Variants in KIAA2012 observed in about 807,000 individuals in gnomAD.
KIAA2012 encodes KIAA2012.
In KIAA2012, 125 loss-of-function variants were observed where a neutral mutation model predicts 150.6. The observed-to-expected ratio is 0.83, with a 90% CI of 0.72 to 0.96. KIAA2012 has a LOEUF of 0.96. Ranked by LOEUF, KIAA2012 falls within the 40% of genes least tolerant of loss-of-function variation. The pLI is 0.00. For synonymous variants in KIAA2012, 462 were observed against 504.7 expected (o/e 0.92, Z 1.13); for missense variants, 1,219 against 1,354.9 (o/e 0.90, Z 1.57).
intron 23 of KIAA2012, among the ~76,000 whole-genome samples, chr2:202,204,687 G>A (rs1692605156): frequency 6.6e-6 from 1 of 152,016 alleles, no homozygotes; most frequent in African/African-American, 2.4e-5. Context: ...AGTCTGTATT[G>A]CTGTTATTAG....
chr2:202,092,841 A>C (rs1168747882), intron 3 of KIAA2012, among the ~76,000 whole-genome samples, 189 bp from the exon 4 acceptor site: 2 of 152,132 alleles, frequency 1.3e-5, no homozygotes, highest in Non-Finnish European at 2.9e-5. Flanking sequence ...GAAGCACCCA[A>C]GACACTAGAT....
chr2:202,201,729 G>A, intron 22 of KIAA2012: 5 of 1,485,764 alleles, frequency 3.4e-6, no homozygotes, highest in South Asian at 1.1e-5. Context: ...GCAGCCCCTG[G>A]GGTGCACAAA....
intron 11 of KIAA2012, chr2:202,115,232 T>G (rs1690484805): frequency 6.6e-6 from 1 of 152,094 alleles, no homozygotes; most frequent in Non-Finnish European, 1.5e-5. Context: ...AAAACCACAA[T>G]TACTTTTGCA....
intron 3 of KIAA2012, among the ~76,000 whole-genome samples, chr2:202,092,714 T>C (rs1185665833): frequency 6.6e-6 from 1 of 152,060 alleles, no homozygotes; most frequent in Non-Finnish European, 1.5e-5. Flanking sequence ...CCACTGGATC[T>C]CCTCCTGAGG....
At chr2:202,100,261 C>G in intron 6 of KIAA2012, 46 bp from the exon 7 acceptor site, 2 of 1,527,614 alleles carry the variant, frequency 1.3e-6, no homozygotes, top group Non-Finnish European at 8.9e-7. Context: ...CTGTTCATCC[C>G]CCTACCTGCA....
At chr2:202,111,790 A>T (rs144525961) in intron 10 of KIAA2012, among the ~76,000 whole-genome samples, 1 of 152,128 alleles carries the variant, frequency 6.6e-6, no homozygotes, top group East Asian at 1.9e-4. Context: ...GTTCATGTGT[A>T]TGGGGGTGTG....
At chr2:202,080,857 T>C (rs1230341134) in intron 2 of KIAA2012, among the ~76,000 whole-genome samples, 1 of 152,086 alleles carries the variant, frequency 6.6e-6, no homozygotes, top group East Asian at 1.9e-4. Flanking sequence ...TAACATGAAA[T>C]TTACCATTTT....
intron 14 of KIAA2012, among the ~76,000 whole-genome samples, chr2:202,160,388 A>G (rs1373468197): frequency 2.2e-5 from 3 of 138,480 alleles, no homozygotes; most frequent in Non-Finnish European, 4.5e-5. Flanking sequence ...ATCTCGGCTC[A>G]CTGCAAGCTC....
rs1336130584 is a variant in KIAA2012, at chr2:202,105,781, G to C, written c.1345G>C (p.Glu449Gln). 2.3e-5 allele frequency: 35 copies of C among 1,550,508 alleles called. No individual in the cohort carries two copies. Among genetic ancestry groups the C allele is most frequent in the Non-Finnish European group, 2.9e-5 (33 of 1,147,012 alleles). Residue 449 changes from glutamate (E) to glutamine (Q), a missense_variant, in exon 9 of 24, where the codon GAA becomes CAA. Glu to Gln is a conservative substitution (Grantham distance 29). Transcript: ENST00000498697. ...CCTAGGTGCTCCACACCCTGAGTCA[G>C]AACCAGAAAGCAGCGAAGAATCCAC... ...HRRGAPHPES[E>Q]PESSEESTPV...
At position 202,204,051 on chromosome 2, in the gene KIAA2012, G is replaced by A. The variant is rs532714076; in HGVS notation, c.*21-947G>A. Among the ~76,000 whole-genome samples, 4 of 150,890 alleles carry A rather than the reference G, an allele frequency of 2.7e-5. No homozygotes were observed. In the South Asian group the frequency reaches 8.4e-4, roughly 32 times the overall value. ...CCCAGAGTGCTGGGATTACAGGCGTGAGCCACCGCACCCAGCGGTTTTTTG... is the reference window on the plus strand; with the variant it reads ...CCCAGAGTGCTGGGATTACAGGCGTAAGCCACCGCACCCAGCGGTTTTTTG... On this transcript the variant is annotated intron_variant, in intron 23 of 23. Transcript: ENST00000498697.
At chr2:202,184,347 G>A (rs1692181988) in intron 15 of KIAA2012, among the ~76,000 whole-genome samples, 1 of 148,468 alleles carries the variant, frequency 6.7e-6, no homozygotes, top group Non-Finnish European at 1.5e-5. Context: ...TCACGCCACT[G>A]CACTCCAGCC....
intron 12 of KIAA2012, chr2:202,137,501 G>A (rs1239490214): frequency 2.0e-5 from 3 of 151,958 alleles, no homozygotes; most frequent in Non-Finnish European, 4.4e-5. Context: ...ATTTTTAGTA[G>A]AGATGGGGTT....
intron 2 of KIAA2012, chr2:202,077,244 C>T (rs1689346016): frequency 2.9e-6 from 1 of 348,558 alleles, no homozygotes; most frequent in Non-Finnish European, 5.7e-6. Context: ...AAATCAAATT[C>T]CTTCTGTGTT....
At chr2:202,168,037 C>G (rs1362301635) in intron 15 of KIAA2012, among the ~76,000 whole-genome samples, 1 of 152,014 alleles carries the variant, frequency 6.6e-6, no homozygotes, top group Non-Finnish European at 1.5e-5. Context: ...CATCTTTTTT[C>G]TTCCTCTGTA....
intron 12 of KIAA2012, among the ~76,000 whole-genome samples, chr2:202,131,054 T>G (rs1281841613): frequency 1.3e-5 from 2 of 152,256 alleles, no homozygotes; most frequent in Non-Finnish European, 2.9e-5. Flanking sequence ...GCTATTGTCT[T>G]GGTTTCCCCA....
intron 14 of KIAA2012, among the ~76,000 whole-genome samples, chr2:202,162,492 C>G (rs992138505): frequency 9.9e-5 from 15 of 151,500 alleles, no homozygotes; most frequent in African/African-American, 3.1e-4. Flanking sequence ...CCAGGCTGGT[C>G]TCGAACTCCT....
chr2:202,137,549 T>G (rs1040993392), intron 12 of KIAA2012: 3 of 152,162 alleles, frequency 2.0e-5, no homozygotes, highest in African/African-American at 7.2e-5. Context: ...ACTCCTGGCC[T>G]CAAGCACTCC....
Position 202,075,265 on chromosome 2 carries a change from G to A in KIAA2012, c.369+90G>A, listed in dbSNP as rs769541906. 2.0e-4 allele frequency: 274 copies of A among 1,384,454 alleles called. 2 individuals carry two copies. The highest frequency in any genetic ancestry group is 9.8e-4 in the South Asian group (64 of 65,520). 85.8% of individuals were successfully genotyped at this position (1,384,454 alleles called of 1,614,324 possible). A position where few individuals can be genotyped will look rare whatever the true frequency, so the allele number is the denominator to read the frequency against. ...GCTTTGGGAATAATTTCTTGGACCCGGGGAAGGTATGAAACTCTCAGAACT... is the reference window on the plus strand; with the variant it reads ...GCTTTGGGAATAATTTCTTGGACCCAGGGAAGGTATGAAACTCTCAGAACT... On this transcript the variant is annotated intron_variant, in intron 2 of 23. Transcript: ENST00000498697.
chr2:202,153,730 C>G (rs1436341840), intron 13 of KIAA2012, among the ~76,000 whole-genome samples: 2 of 152,220 alleles, frequency 1.3e-5, no homozygotes, highest in Non-Finnish European at 2.9e-5. Flanking sequence ...TGGATGTGCA[C>G]TCTTCATGAG....
Sources: allele counts gnomAD v4.1 joint callset (sites outside exome capture counted in the v4.1 genomes callset), GRCh38; gene constraint gnomAD v4.1.1; transcripts MANE v1.5; gene names NCBI Gene and HGNC (gene_info 2026-07-23, HGNC 2026-07-21).